Variants in STAT5B observed in about 807,000 individuals in gnomAD.
STAT5B encodes signal transducer and activator of transcription 5B.
In STAT5B, 21 loss-of-function variants were observed where a neutral mutation model predicts 107.8. The ratio of observed to expected loss-of-function variants is 0.19; its 90% CI spans 0.14 to 0.28. The LOEUF is 0.28. STAT5B is among the 10% of genes least tolerant of loss of function. The probability of loss-of-function intolerance (pLI) is 1.00; values close to 1 mark genes in which losing one functional copy is unlikely to be tolerated. For missense variants in STAT5B, 565 were observed against 1,008.2 expected (o/e 0.56, Z 5.95); for synonymous variants, 325 against 401.7 (o/e 0.81, Z 2.28).
intron 1 of STAT5B, among the ~76,000 whole-genome samples, chr17:42,262,772 A>G (rs1275702414): frequency 7.4e-6 from 1 of 135,148 alleles, no homozygotes; most frequent in Non-Finnish European, 1.6e-5. Context: ...ATATATACAT[A>G]TATGTATATA....
the STAT5B span, among the ~76,000 whole-genome samples, chr17:42,284,811 C>T: frequency 1.3e-5 from 2 of 152,222 alleles, no homozygotes; most frequent in East Asian, 3.8e-4. Flanking sequence ...GGCCCGGCAA[C>T]TTGGATCCTG....
chr17:42,222,043 T>G (rs999426092), intron 5 of STAT5B, among the ~76,000 whole-genome samples: 2 of 144,432 alleles, frequency 1.4e-5, no homozygotes, highest in African/African-American at 5.2e-5. Context: ...GTGGTGTGTG[T>G]GTGCTGTGTG....
upstream of STAT5B, among the ~76,000 whole-genome samples, chr17:42,279,371 G>GTA (rs985471266): frequency 3.3e-5 from 5 of 152,170 alleles, no homozygotes; most frequent in African/African-American, 1.2e-4. Flanking sequence ...GTAAAGCACT[G>GTA]TATAGCGGTT....
At chr17:42,243,044 A>G (rs558996546) in intron 1 of STAT5B, among the ~76,000 whole-genome samples, 2 of 151,956 alleles carry the variant, frequency 1.3e-5, no homozygotes, top group East Asian at 1.9e-4. Context: ...TCACTTGTTT[A>G]TCTGCTGACC....
At chr17:42,282,136 G>A in the STAT5B span, among the ~76,000 whole-genome samples, 1 of 152,164 alleles carries the variant, frequency 6.6e-6, no homozygotes, top group Non-Finnish European at 1.5e-5. Context: ...TGGTTTAGGG[G>A]CCTTCATTAA....
chr17:42,264,711 G>A (rs1213510627), intron 1 of STAT5B, among the ~76,000 whole-genome samples: 2 of 148,294 alleles, frequency 1.3e-5, no homozygotes, highest in Non-Finnish European at 3.0e-5. Context: ...ATAGTCCTTT[G>A]GGTATATACC....
At chr17:42,203,631 C>CT (rs898526514) in intron 16 of STAT5B, among the ~76,000 whole-genome samples, 2 of 151,750 alleles carry the variant, frequency 1.3e-5, no homozygotes, top group East Asian at 1.9e-4. Context: ...TGGAGGTTTT[C>CT]TTTTTTTTCT....
chr17:42,219,414 T>G lies in STAT5B; in HGVS notation c.731A>C (p.Gln244Pro). The G allele has an allele frequency of 6.7e-7, 1 of 1,502,504 alleles. No homozygotes were observed. 93.1% of individuals were successfully genotyped at this position (1,502,504 alleles called of 1,614,324 possible). A position where few individuals can be genotyped will look rare whatever the true frequency, so the allele number is the denominator to read the frequency against. Residue 244 changes from glutamine to proline, a missense_variant, in exon 7 of 19, where the codon CAG (glutamine) becomes CCG (proline). This residue lies in a region of STAT5B where 56 missense variants were observed against 104.5 expected (regional missense o/e 0.54). Transcript: ENST00000293328. ...CAGCTCGTCATCCAGGATGATGGTCTGCTGCTTCCGCAGCAGCTGCAGGGT... is the reference window on the plus strand; with the variant it reads ...CAGCTCGTCATCCAGGATGATGGTCGGCTGCTTCCGCAGCAGCTGCAGGGT... Reference protein sequence around the residue: ...QKTLQLLRKQQTIILDDELIQ... With the variant: ...QKTLQLLRKQPTIILDDELIQ...
intron 1 of STAT5B, among the ~76,000 whole-genome samples, chr17:42,248,914 T>C (rs114408613): frequency 0.031 from 4,672 of 150,448 alleles, 231 homozygotes; most frequent in African/African-American, 0.11. Flanking sequence ...ACAAAGCAAA[T>C]GTGAGACCCA....
upstream of STAT5B, among the ~76,000 whole-genome samples, chr17:42,279,013 C>T (rs1165812867): frequency 6.6e-6 from 1 of 150,686 alleles, no homozygotes; most frequent in Non-Finnish European, 1.5e-5. Flanking sequence ...GACAGGGTCT[C>T]ATTATATTGC....
At chr17:42,227,188 G>A (rs1216261912) in intron 3 of STAT5B, among the ~76,000 whole-genome samples, 1 of 80,312 alleles carries the variant, frequency 1.2e-5, no homozygotes, top group Non-Finnish European at 2.7e-5. Flanking sequence ...ATGCACAGAG[G>A]TACTTACTGG....
At chr17:42,243,196 A>T (rs2080420330) in intron 1 of STAT5B, among the ~76,000 whole-genome samples, 2 of 151,958 alleles carry the variant, frequency 1.3e-5, no homozygotes, top group South Asian at 4.1e-4. Flanking sequence ...AATAAAAAAA[A>T]AATATAAAAA....
chr17:42,266,367 AAATAAT>A (rs1333479678), intron 1 of STAT5B, among the ~76,000 whole-genome samples: 3 of 151,680 alleles, frequency 2.0e-5, no homozygotes, highest in South Asian at 2.1e-4. Context: ...ACTCTTTAAA[AAATAAT>A]AATAATAAAT....
Position 42,262,932 on chromosome 17 carries a change from A to G in STAT5B, c.-11+13316T>C, listed in dbSNP as rs7207759. On this transcript the variant is annotated intron_variant, in intron 1 of 18. Coordinates refer to ENST00000293328, the MANE Select transcript of STAT5B (RefSeq NM_012448.4). ...TGTATATATATGTGTGTATATATAT[A>G]TGTATATATATGTGTGTGTGTGTGT... Among the ~76,000 whole-genome samples, 573 of 66,754 alleles carry G rather than the reference A, an allele frequency of 8.6e-3. 18 individuals are homozygous for G. Among genetic ancestry groups the G allele is most frequent in the African/African-American group, 0.023 (440 of 19,474 alleles). The allele number at this position is 66,754 out of a possible 152,430, so 43.8% of individuals were successfully genotyped here. A position where few individuals can be genotyped will look rare whatever the true frequency, so the allele number is the denominator to read the frequency against.
intron 4 of STAT5B, among the ~76,000 whole-genome samples, chr17:42,224,566 T>C (rs955321967): frequency 1.3e-5 from 2 of 152,036 alleles, no homozygotes; most frequent in African/African-American, 4.8e-5. Flanking sequence ...GCTCTCGAAC[T>C]CCTGGGCTCA....
At chr17:42,265,427 G>A (rs2080661877) in intron 1 of STAT5B, among the ~76,000 whole-genome samples, 1 of 141,244 alleles carries the variant, frequency 7.1e-6, no homozygotes, top group Non-Finnish European at 1.5e-5. Flanking sequence ...CTGGAGTGCA[G>A]TAGTGTGATC....
the STAT5B span, among the ~76,000 whole-genome samples, chr17:42,284,840 C>G: frequency 6.6e-6 from 1 of 152,250 alleles, no homozygotes; most frequent in Non-Finnish European, 1.5e-5. Context: ...TGTGCACTTA[C>G]TGGCCAGACA....
chr17:42,214,509 C>T, intron 12 of STAT5B: 1 of 985,350 alleles, frequency 1.0e-6, no homozygotes, highest in Non-Finnish European at 1.2e-6. Flanking sequence ...CAGAAGGTTC[C>T]ATTTCACCTT....
At chr17:42,225,087 C>T (rs1598308912) in intron 3 of STAT5B, among the ~76,000 whole-genome samples, 1 of 152,106 alleles carries the variant, frequency 6.6e-6, no homozygotes, top group African/African-American at 2.4e-5. Flanking sequence ...CTGAGTCTCA[C>T]TCTGTTGCCC....
Sources: gnomAD v4.1 joint callset for allele counts (sites outside exome capture counted in the v4.1 genomes callset) on GRCh38, gnomAD v4.1.1 for gene constraint, gnomAD v4.1.1 regional missense constraint, MANE v1.5 for transcripts, NCBI Gene and HGNC (gene_info 2026-07-23, HGNC 2026-07-21) for gene names.